SNTG2: variants seen among roughly 807,000 people sequenced by gnomAD.
SNTG2 encodes the protein syntrophin gamma 2.
Under a neutral mutation model 70.9 loss-of-function variants are expected in SNTG2, and 74 were observed. The observed-to-expected ratio is 1.04, with a 90% confidence interval of 0.86 to 1.27. The LOEUF (loss-of-function observed/expected upper bound fraction) is 1.27, where lower values mean the gene tolerates loss of function less well. SNTG2 is among the 50% of genes most tolerant of loss of function. The pLI is 0.00. For synonymous variants in SNTG2, 278 were observed against 273.8 expected, an observed-to-expected ratio of 1.02 and a Z score of -0.15; for missense variants, 717 against 690.7, an observed-to-expected ratio of 1.04 and a Z score of -0.43.
At chr2:1,075,033 T>C (rs1418666883) in intron 1 of SNTG2, among the ~76,000 whole-genome samples, 2 of 152,242 alleles carry the variant, frequency 1.3e-5, no homozygotes, top group Non-Finnish European at 2.9e-5. Context: ...GAATCATATC[T>C]GACTATACAG....
intron 8 of SNTG2, among the ~76,000 whole-genome samples, chr2:1,180,761 A>G (rs1671827165): frequency 6.6e-6 from 1 of 151,802 alleles, no homozygotes; most frequent in Non-Finnish European, 1.5e-5. Flanking sequence ...ATAAAGACAC[A>G]TGCACACGTA....
chr2:1,211,836 A>G (rs1467930178), intron 9 of SNTG2, among the ~76,000 whole-genome samples: 1 of 152,206 alleles, frequency 6.6e-6, no homozygotes, highest in Non-Finnish European at 1.5e-5. Flanking sequence ...ACCAAACCAT[A>G]TCACTAGTAA....
chr2:964,104 T>C (rs1465949234), intron 1 of SNTG2, among the ~76,000 whole-genome samples: 1 of 152,188 alleles, frequency 6.6e-6, no homozygotes, highest in African/African-American at 2.4e-5. Context: ...TGAACACCAG[T>C]GTTGCTTGTG....
chr2:1,160,775 G>T (rs567250327), intron 6 of SNTG2: 1 of 152,304 alleles, frequency 6.6e-6, no homozygotes, highest in Non-Finnish European at 1.5e-5. Flanking sequence ...TCTCCACCAC[G>T]CAAGGACACA....
At position 1,308,592 on chromosome 2, in the gene SNTG2, A is replaced by G. The variant is rs1160705798; in HGVS notation, c.1377+6A>G. The G allele has an allele frequency of 3.9e-6, 6 of 1,549,634 alleles. No homozygotes were observed. Among genetic ancestry groups the G allele is most frequent in the Middle Eastern group, 1.7e-4 (1 of 5,986 alleles). ...GTTTTGAGAGTAAGACCAAGGTAAGAGGCCAAGCAGGCATCCATGCCGCCC... is the reference window on the plus strand; with the variant it reads ...GTTTTGAGAGTAAGACCAAGGTAAGGGGCCAAGCAGGCATCCATGCCGCCC... On this transcript the variant is annotated splice_donor_region_variant and intron_variant, in intron 15 of 16. Coordinates refer to ENST00000308624, the MANE Select transcript of SNTG2 (RefSeq NM_018968.4).
chr2:957,672 G>T (rs948756746), intron 1 of SNTG2, among the ~76,000 whole-genome samples: 3 of 152,124 alleles, frequency 2.0e-5, no homozygotes, highest in South Asian at 2.1e-4. Flanking sequence ...ATGAGGTCGG[G>T]CAACATTTGT....
At chr2:1,355,116 C>G (rs1204408376) in intron 16 of SNTG2, among the ~76,000 whole-genome samples, 1 of 152,250 alleles carries the variant, frequency 6.6e-6, no homozygotes, top group African/African-American at 2.4e-5. Flanking sequence ...TTATTCATCT[C>G]TCAACGTTAG....
chr2:950,928 G>A lies in SNTG2; in HGVS notation c.-69G>A. ...GACGCGGCGCCTGGCGGGGCCCTGG[G>A]AGGCTCGGACGGGGTCCTGGCGTTG... On this transcript the variant is annotated 5_prime_UTR_variant, in exon 1 of 17. Coordinates refer to ENST00000308624, the MANE Select transcript of SNTG2 (RefSeq NM_018968.4). The A allele has an allele frequency of 1.2e-6, 1 of 806,642 alleles. No homozygotes were observed. The highest frequency in any genetic ancestry group is 1.6e-6 in the Non-Finnish European group (1 of 615,148). 50.0% of individuals were successfully genotyped at this position (806,642 alleles called of 1,614,324 possible). A position where few individuals can be genotyped will look rare whatever the true frequency, so the allele number is the denominator to read the frequency against.
At chr2:1,086,440 A>G (rs1385245186) in intron 2 of SNTG2, among the ~76,000 whole-genome samples, 4 of 152,222 alleles carry the variant, frequency 2.6e-5, no homozygotes, top group African/African-American at 9.7e-5. Flanking sequence ...TGGAAGAGAG[A>G]CAAAGACACA....
intron 4 of SNTG2, among the ~76,000 whole-genome samples, chr2:1,135,580 G>A (rs1284516664): frequency 6.6e-6 from 1 of 152,138 alleles, no homozygotes; most frequent in Non-Finnish European, 1.5e-5. Flanking sequence ...AAATTGGCAG[G>A]GTGTGGTGGT....
intron 1 of SNTG2, among the ~76,000 whole-genome samples, chr2:994,568 T>G (rs1661611920): frequency 6.6e-6 from 1 of 152,092 alleles, no homozygotes; most frequent in Non-Finnish European, 1.5e-5. Context: ...TTTCTGCAAA[T>G]AAATCAGCTG....
chr2:1,113,575 A>G (rs527324418), intron 4 of SNTG2, among the ~76,000 whole-genome samples: 2 of 149,314 alleles, frequency 1.3e-5, no homozygotes, highest in African/African-American at 4.9e-5. Flanking sequence ...CGTGTGTACT[A>G]AGTGAGGTTT....
At chr2:1,278,737 G>A (rs945432503) in intron 14 of SNTG2, among the ~76,000 whole-genome samples, 6 of 152,156 alleles carry the variant, frequency 3.9e-5, no homozygotes, top group Non-Finnish European at 7.3e-5. Flanking sequence ...TTATGTAAGT[G>A]TGACATACAG....
chr2:1,085,043 C>A (rs555198467), intron 2 of SNTG2, among the ~76,000 whole-genome samples: 1 of 152,314 alleles, frequency 6.6e-6, no homozygotes, highest in African/African-American at 2.4e-5. Flanking sequence ...TCGGTCTTCA[C>A]GGGCTCATAC....
chr2:1,063,637 A>G (rs190432874), intron 1 of SNTG2, among the ~76,000 whole-genome samples: 54 of 152,350 alleles, frequency 3.5e-4, no homozygotes, highest in Non-Finnish European at 1.5e-5. Context: ...CAGAAAGGTT[A>G]TTAATGAAAA....
At chr2:1,350,641 GA>G (rs1193647094) in intron 16 of SNTG2, among the ~76,000 whole-genome samples, 1 of 152,156 alleles carries the variant, frequency 6.6e-6, no homozygotes, top group Non-Finnish European at 1.5e-5. Context: ...TTGGCTCAGA[GA>G]AACATGATGA....
chr2:973,840 T>G (rs1023655227), intron 1 of SNTG2, among the ~76,000 whole-genome samples: 2 of 152,222 alleles, frequency 1.3e-5, no homozygotes, highest in Non-Finnish European at 2.9e-5. Context: ...TGATGCTCTG[T>G]ATTGCTTTCA....
chr2:1,290,833 T>G (rs1679962091), intron 14 of SNTG2, among the ~76,000 whole-genome samples: 1 of 152,216 alleles, frequency 6.6e-6, no homozygotes, highest in African/African-American at 2.4e-5. Context: ...ATGTCTCTGC[T>G]TTCAGTTATT....
intron 7 of SNTG2, among the ~76,000 whole-genome samples, chr2:1,169,490 G>A (rs1054167778): frequency 3.3e-5 from 5 of 152,202 alleles, no homozygotes; most frequent in African/African-American, 4.8e-5. Context: ...TGCCCCAGGT[G>A]GAGGTTTTCA....
Sources: allele counts gnomAD v4.1 joint callset (sites outside exome capture counted in the v4.1 genomes callset), GRCh38; gene constraint gnomAD v4.1.1; transcripts MANE v1.5; gene names NCBI Gene and HGNC (gene_info 2026-07-23, HGNC 2026-07-21).